FNDC3B: variants seen among roughly 807,000 people sequenced by gnomAD.
FNDC3B encodes the protein fibronectin type III domain containing 3B, also known as fibronectin type III domain-containing protein 3B.
In FNDC3B, 12 loss-of-function variants were observed where a neutral mutation model predicts 151.5. The ratio of observed to expected loss-of-function variants is 0.08; its 90% CI spans 0.05 to 0.13. The LOEUF (loss-of-function observed/expected upper bound fraction) is 0.13, where lower values mean the gene tolerates loss of function less well. Among genes scored for constraint, FNDC3B ranks in the 10% least tolerant of loss-of-function variants. The probability of loss-of-function intolerance (pLI) is 1.00; values close to 1 mark genes in which losing one functional copy is unlikely to be tolerated. For synonymous variants in FNDC3B, 528 were observed against 549.0 expected, an observed-to-expected ratio of 0.96 and a Z score of 0.54; for missense variants, 1,214 against 1,505.3, an observed-to-expected ratio of 0.81 and a Z score of 3.20.
chr3:172,295,560 T>C (rs773357124), intron 8 of FNDC3B, 46 bp downstream of exon 8: 2 of 1,573,576 alleles, frequency 1.3e-6, no homozygotes, highest in East Asian at 4.5e-5. Context: ...AACTGTAAAA[T>C]TGGAGTTGTG....
intron 3 of FNDC3B, among the ~76,000 whole-genome samples, chr3:172,185,329 T>C (rs1209720626): frequency 6.6e-6 from 1 of 152,218 alleles, no homozygotes; most frequent in African/African-American, 2.4e-5. Flanking sequence ...TGTACCCATT[T>C]ATTGGCCTGA....
intron 1 of FNDC3B, among the ~76,000 whole-genome samples, chr3:172,079,748 TCTC>T (rs1358560242): frequency 6.6e-6 from 1 of 152,124 alleles, no homozygotes; most frequent in Admixed American, 6.5e-5. Flanking sequence ...GATAAGGGCT[TCTC>T]CTCATTTTAC....
intron 3 of FNDC3B, among the ~76,000 whole-genome samples, chr3:172,191,632 G>A (rs571381152): frequency 6.6e-6 from 1 of 152,254 alleles, no homozygotes; most frequent in East Asian, 1.9e-4. Context: ...GAATAGCTGG[G>A]ACTACAGGTG....
At chr3:172,055,351 T>C (rs2108463715) in intron 1 of FNDC3B, among the ~76,000 whole-genome samples, 1 of 152,362 alleles carries the variant, frequency 6.6e-6, no homozygotes, top group East Asian at 1.9e-4. Context: ...ATTATTGTCC[T>C]GTATCTTTAA....
intron 3 of FNDC3B, among the ~76,000 whole-genome samples, chr3:172,150,778 C>T (rs1722179329): frequency 6.6e-6 from 1 of 151,652 alleles, no homozygotes; most frequent in East Asian, 1.9e-4. Context: ...TTATGGGGTA[C>T]CTGAGATGTT....
At position 172,181,982 on chromosome 3, in the gene FNDC3B, T is replaced by G. The variant is rs940486052; in HGVS notation, c.188-44889T>G. ...CTTTTTCCTTACTTTGGCCTGAGAA[T>G]GATGCAAAGCAGGCCTGTTGCATTA... On this transcript the variant is annotated intron_variant, in intron 3 of 25. Coordinates refer to ENST00000415807, the MANE Select transcript of FNDC3B (RefSeq NM_022763.4). Among the ~76,000 whole-genome samples the G allele has an allele frequency of 5.3e-5, 8 of 152,146 alleles. No homozygotes were observed. The East Asian group carries it at 1.3e-3, about 26-fold the overall frequency.
chr3:172,281,505 A>G (rs1729723394), intron 6 of FNDC3B, among the ~76,000 whole-genome samples: 1 of 152,184 alleles, frequency 6.6e-6, no homozygotes, highest in African/African-American at 2.4e-5. Context: ...AATCAGGTGG[A>G]AAATGGTTTC....
intron 2 of FNDC3B, among the ~76,000 whole-genome samples, chr3:172,131,135 G>T (rs1023812194): frequency 6.6e-6 from 1 of 152,132 alleles, no homozygotes; most frequent in African/African-American, 2.4e-5. Flanking sequence ...AGTGGCTCAC[G>T]CCTGTAATCC....
At chr3:172,234,255 A>G (rs1727028234) in intron 4 of FNDC3B, among the ~76,000 whole-genome samples, 1 of 152,194 alleles carries the variant, frequency 6.6e-6, no homozygotes, top group Non-Finnish European at 1.5e-5. Context: ...TGGGTGTGTC[A>G]CTTGTTTACT....
intron 4 of FNDC3B, 86 bp downstream of exon 4, chr3:172,227,033 C>G: frequency 1.0e-6 from 1 of 960,114 alleles, no homozygotes; most frequent in African/African-American, 1.6e-5. Context: ...AAGCCATATT[C>G]CAGGAGTTAA....
chr3:172,146,568 G>A (rs773922843), intron 3 of FNDC3B, among the ~76,000 whole-genome samples: 1 of 152,120 alleles, frequency 6.6e-6, no homozygotes, highest in African/African-American at 2.4e-5. Flanking sequence ...AGGTTGAGAA[G>A]CTCTGGTTAA....
intron 1 of FNDC3B, among the ~76,000 whole-genome samples, chr3:172,100,084 G>A (rs1177119717): frequency 6.6e-6 from 1 of 152,160 alleles, no homozygotes; most frequent in Non-Finnish European, 1.5e-5. Context: ...ATAAGGAGAA[G>A]TACTAAAATT....
chr3:172,077,904 A>G (rs909199114), intron 1 of FNDC3B, among the ~76,000 whole-genome samples: 3 of 152,196 alleles, frequency 2.0e-5, no homozygotes, highest in African/African-American at 7.2e-5. Flanking sequence ...GAAAAGTGGA[A>G]TGTGTTTAAT....
intron 3 of FNDC3B, among the ~76,000 whole-genome samples, chr3:172,149,913 G>T (rs1354991154): frequency 7.4e-6 from 1 of 135,838 alleles, no homozygotes; most frequent in Non-Finnish European, 1.5e-5. Context: ...CCGCTTCCCA[G>T]GTTCAAGCGA....
intron 3 of FNDC3B, among the ~76,000 whole-genome samples, chr3:172,189,671 A>G (rs995209748): frequency 1.3e-5 from 2 of 152,066 alleles, no homozygotes; most frequent in African/African-American, 4.8e-5. Flanking sequence ...AAAATTAGCC[A>G]GGCATGGTGG....
chr3:172,331,347 G>C (rs1354459073), intron 13 of FNDC3B, among the ~76,000 whole-genome samples: 1 of 151,964 alleles, frequency 6.6e-6, no homozygotes, highest in Non-Finnish European at 1.5e-5. Flanking sequence ...TTAGCCTCTA[G>C]TCTGTTCTTT....
chr3:172,249,942 G>A (rs1727984100), intron 5 of FNDC3B, among the ~76,000 whole-genome samples: 1 of 152,132 alleles, frequency 6.6e-6, no homozygotes, highest in African/African-American at 2.4e-5. Context: ...CAGTCCTAGT[G>A]TAGGTCTCTT....
At chr3:172,158,291 A>AT (rs1284157840) in intron 3 of FNDC3B, among the ~76,000 whole-genome samples, 5 of 152,274 alleles carry the variant, frequency 3.3e-5, no homozygotes, top group Non-Finnish European at 7.4e-5. Flanking sequence ...TGGTTGTACT[A>AT]TTTTATGTTT....
chr3:172,083,431 C>G (rs895871969), intron 1 of FNDC3B, among the ~76,000 whole-genome samples: 5 of 152,352 alleles, frequency 3.3e-5, no homozygotes, highest in Admixed American at 6.5e-5. Context: ...TGAACTTGCT[C>G]TTTGTTCCAA....
Sources: allele counts gnomAD v4.1 joint callset (sites outside exome capture counted in the v4.1 genomes callset), GRCh38; gene constraint gnomAD v4.1.1; transcripts MANE v1.5; gene names NCBI Gene and HGNC (gene_info 2026-07-23, HGNC 2026-07-21).